Variants in DPP6 observed in about 807,000 individuals in gnomAD.
DPP6 encodes dipeptidyl peptidase like 6.
A neutral mutation model predicts 122.6 loss-of-function variants in DPP6; 69 were observed. The observed-to-expected ratio is 0.56, with a 90% CI of 0.46 to 0.69. The LOEUF is 0.69. Among genes scored for constraint, DPP6 ranks in the 30% least tolerant of loss-of-function variants. DPP6 has a pLI of 0.00. For missense variants in DPP6, 928 were observed against 1,116.9 expected (o/e 0.83, Z 2.41); for synonymous variants, 418 against 433.1 (o/e 0.97, Z 0.43).
At chr7:154,074,759 A>C (rs1347084290) in intron 1 of DPP6, among the ~76,000 whole-genome samples, 1 of 152,078 alleles carries the variant, frequency 6.6e-6, no homozygotes, top group Non-Finnish European at 1.5e-5. Flanking sequence ...CAGGGCAGGG[A>C]GGATAAAGAC....
chr7:153,837,241 T>C, the DPP6 span, among the ~76,000 whole-genome samples: 2,486 of 151,886 alleles, frequency 0.016, 62 homozygotes, highest in African/African-American at 0.05. Flanking sequence ...TGCACAATTT[T>C]ATATCTACTA....
chr7:154,621,627 A>G (rs866108016), intron 5 of DPP6, among the ~76,000 whole-genome samples: 18 of 152,300 alleles, frequency 1.2e-4, no homozygotes, highest in South Asian at 2.1e-4. Flanking sequence ...TTGGCCTCCC[A>G]AAGTGCTAAG....
chr7:154,186,382 T>C (rs774821459), intron 1 of DPP6, among the ~76,000 whole-genome samples: 1 of 152,262 alleles, frequency 6.6e-6, no homozygotes, highest in Admixed American at 6.5e-5. Flanking sequence ...TTTTATTTTC[T>C]CTTTCACAGA....
chr7:154,309,950 A>AGTCTT (rs1806718581), intron 1 of DPP6, among the ~76,000 whole-genome samples: 1 of 152,228 alleles, frequency 6.6e-6, no homozygotes, highest in African/African-American at 2.4e-5. Flanking sequence ...AGATAAAAAG[A>AGTCTT]AAACTTGAAG....
At chr7:154,687,388 T>C (rs1206078533) in intron 7 of DPP6, among the ~76,000 whole-genome samples, 3 of 152,256 alleles carry the variant, frequency 2.0e-5, no homozygotes, top group Non-Finnish European at 4.4e-5. Context: ...TGCTCATGTT[T>C]TCTGGTGCAC....
At chr7:154,660,214 T>C (rs1351993781) in intron 6 of DPP6, among the ~76,000 whole-genome samples, 1 of 149,618 alleles carries the variant, frequency 6.7e-6, no homozygotes, top group Non-Finnish European at 1.5e-5. Flanking sequence ...TGAATCACCA[T>C]GGCATATTGG....
intron 1 of DPP6, among the ~76,000 whole-genome samples, chr7:154,376,855 G>A (rs528208815): frequency 7.2e-5 from 11 of 152,242 alleles, no homozygotes; most frequent in East Asian, 3.9e-4. Context: ...AATTTTTCTC[G>A]TCTAATAAGA....
the DPP6 span, among the ~76,000 whole-genome samples, chr7:153,875,002 A>T: frequency 6.6e-6 from 1 of 152,208 alleles, no homozygotes; most frequent in Admixed American, 6.5e-5. Flanking sequence ...AAAATCCAAC[A>T]GATATTAGCT....
chr7:154,418,920 G>A (rs1200682061), intron 1 of DPP6, among the ~76,000 whole-genome samples: 1 of 152,204 alleles, frequency 6.6e-6, no homozygotes, highest in Non-Finnish European at 1.5e-5. Flanking sequence ...GCAAGGCTGT[G>A]CATTCCAGAC....
rs182979106 is a variant in DPP6, at chr7:154,831,661, C to T, written c.1667-22119C>T. Among the ~76,000 whole-genome samples, 333 of 152,296 alleles carry T rather than the reference C, an allele frequency of 2.2e-3. 3 individuals are homozygous for T. The highest frequency in any genetic ancestry group is 7.5e-3 in the African/African-American group (313 of 41,558). ...GGCAATCCAGATACATTTTCCCATT[C>T]AGTATGAGTGGGAGCATTTTATTAG... On this transcript the variant is annotated intron_variant, in intron 16 of 25. Coordinates refer to ENST00000377770, the MANE Select transcript of DPP6 (RefSeq NM_130797.4).
rs80145267 is a variant in DPP6 at position 154,724,279 on chromosome 7, C to G, written c.763-3488C>G. ...TTGCCCAAGGTCAGAATTATAATAT[C>G]TTCCAGTGTACCCCAACTCTGCAGA... On this transcript the variant is annotated intron_variant, in intron 7 of 25. Transcript: ENST00000377770. Among the ~76,000 whole-genome samples, 3 of 152,138 alleles carry G rather than the reference C, an allele frequency of 2.0e-5. No homozygotes were observed. The East Asian group carries it at 5.8e-4, about 29-fold the overall frequency.
the DPP6 span, among the ~76,000 whole-genome samples, chr7:153,852,135 C>G: frequency 6.6e-6 from 1 of 152,164 alleles, no homozygotes; most frequent in South Asian, 2.1e-4. Context: ...CATTCAGCAG[C>G]ATTTTCTGTT....
chr7:154,027,610 A>G (rs1799009850), intron 1 of DPP6, among the ~76,000 whole-genome samples: 1 of 152,054 alleles, frequency 6.6e-6, no homozygotes, highest in Non-Finnish European at 1.5e-5. Context: ...CAAAGTATGA[A>G]TTTGGGGAGG....
chr7:154,634,449 T>C (rs1835603000), intron 5 of DPP6, among the ~76,000 whole-genome samples: 1 of 152,162 alleles, frequency 6.6e-6, no homozygotes, highest in Non-Finnish European at 1.5e-5. Flanking sequence ...CAAAGGATTA[T>C]AAATCATGCT....
chr7:154,823,399 C>G (rs1353942141), intron 16 of DPP6, among the ~76,000 whole-genome samples: 1 of 152,062 alleles, frequency 6.6e-6, no homozygotes. Flanking sequence ...ATGCAATATG[C>G]AATTTTACAC....
intron 1 of DPP6, among the ~76,000 whole-genome samples, chr7:154,113,394 C>CATATATATATATATAT (rs143477890): frequency 6.3e-4 from 87 of 137,330 alleles, no homozygotes; most frequent in Admixed American, 8.8e-4. Context: ...TGTTTTCCTA[C>CATATATATATATATAT]ATATATATAT....
chr7:154,595,564 ACT>A (rs1445265493), intron 5 of DPP6, among the ~76,000 whole-genome samples: 3 of 151,714 alleles, frequency 2.0e-5, no homozygotes, highest in Non-Finnish European at 4.4e-5. Flanking sequence ...TGAGTTAAAA[ACT>A]CTCTATTAGG....
chr7:154,090,849 G>GCA, intron 1 of DPP6, among the ~76,000 whole-genome samples: 1 of 149,902 alleles, frequency 6.7e-6, no homozygotes. Context: ...GGCCGTTTGC[G>GCA]GTGGCTCATG....
At chr7:154,643,693 C>T (rs1836261254) in intron 6 of DPP6, among the ~76,000 whole-genome samples, 1 of 152,102 alleles carries the variant, frequency 6.6e-6, no homozygotes, top group South Asian at 2.1e-4. Context: ...TGGTCTCGAT[C>T]TCCTGACCTC....
Sources: gnomAD v4.1 joint callset for allele counts (sites outside exome capture counted in the v4.1 genomes callset) on GRCh38, gnomAD v4.1.1 for gene constraint, MANE v1.5 for transcripts, NCBI Gene and HGNC (gene_info 2026-07-23, HGNC 2026-07-21) for gene names.